Variants in SNX24 observed in about 807,000 individuals in gnomAD.
SNX24 encodes sorting nexin-24.
A neutral mutation model predicts 28.7 loss-of-function variants in SNX24; 22 were observed. The ratio of observed to expected loss-of-function variants is 0.77; its 90% CI spans 0.55 to 1.10. SNX24 has a LOEUF of 1.10. Among genes scored for constraint, SNX24 ranks in the 50% least tolerant of loss-of-function variants. The pLI, the probability that SNX24 is intolerant of heterozygous loss-of-function variation, is 0.00. For synonymous variants in SNX24, 69 were observed against 71.5 expected, an observed-to-expected ratio of 0.96 and a Z score of 0.18; for missense variants, 221 against 201.1, an observed-to-expected ratio of 1.10 and a Z score of -0.60.
At chr5:123,028,946 A>G in intron 5 of SNX24, 1 of 1,237,050 alleles carries the variant, frequency 8.1e-7, no homozygotes, top group Non-Finnish European at 1.1e-6. Flanking sequence ...TCTAGAAAGG[A>G]CAAACTGAGA....
At chr5:123,014,850 T>C (rs1040387776) in intron 5 of SNX24, among the ~76,000 whole-genome samples, 2 of 152,226 alleles carry the variant, frequency 1.3e-5, no homozygotes, top group Admixed American at 6.5e-5. Context: ...CATGCCAACC[T>C]TGGTCTCTCC....
intron 3 of SNX24, among the ~76,000 whole-genome samples, chr5:122,973,417 C>A (rs1018298216): frequency 1.3e-5 from 2 of 152,230 alleles, no homozygotes; most frequent in Admixed American, 1.3e-4. Context: ...CAGCTGTCCA[C>A]TTTCAGGTGG....
intron 1 of SNX24, among the ~76,000 whole-genome samples, chr5:122,932,858 C>CAAAAAAAAAAAAAAAAAAAAAA (rs57930558): frequency 3.4e-5 from 3 of 88,016 alleles, no homozygotes; most frequent in Admixed American, 1.2e-4. Context: ...GACTCTGTCT[C>CAAAAAAAAAAAAAAAAAAAAAA]AAAAAAAAAA....
intron 1 of SNX24, among the ~76,000 whole-genome samples, chr5:122,866,620 C>T (rs939971098): frequency 1.3e-5 from 2 of 152,100 alleles, no homozygotes; most frequent in African/African-American, 2.4e-5. Flanking sequence ...TTTTCATTGA[C>T]TTTAATTACA....
At chr5:122,936,100 C>A (rs1393575409) in intron 1 of SNX24, among the ~76,000 whole-genome samples, 1 of 152,158 alleles carries the variant, frequency 6.6e-6, no homozygotes, top group Non-Finnish European at 1.5e-5. Context: ...AATTAGTGCA[C>A]CCAGAGAACC....
intron 2 of SNX24, among the ~76,000 whole-genome samples, chr5:122,941,916 A>G (rs960690644): frequency 6.6e-6 from 1 of 152,106 alleles, no homozygotes; most frequent in Non-Finnish European, 1.5e-5. Context: ...ACAAAACCCC[A>G]TGCTAGCCTT....
At chr5:122,876,006 G>T (rs1756205325) in intron 1 of SNX24, among the ~76,000 whole-genome samples, 1 of 152,206 alleles carries the variant, frequency 6.6e-6, no homozygotes, top group Admixed American at 6.5e-5. Context: ...CACCACGTCT[G>T]GCTAATTTTT....
At chr5:123,015,184 G>A (rs939876173) in intron 5 of SNX24, among the ~76,000 whole-genome samples, 2 of 152,240 alleles carry the variant, frequency 1.3e-5, no homozygotes, top group Admixed American at 1.3e-4. Flanking sequence ...GAGGCCCAGA[G>A]TCAATGTGAA....
intron 1 of SNX24, among the ~76,000 whole-genome samples, chr5:122,889,396 A>C (rs1261841611): frequency 6.6e-6 from 1 of 151,926 alleles, no homozygotes. Context: ...CTGAAATCTG[A>C]AGTGCTCCAA....
At chr5:122,948,762 T>C (rs910158439) in intron 3 of SNX24, 1 of 152,198 alleles carries the variant, frequency 6.6e-6, no homozygotes, top group Non-Finnish European at 1.5e-5. Flanking sequence ...TGCAATATAT[T>C]AGTTAAAGAG....
At chr5:122,883,495 G>A (rs991450654) in intron 1 of SNX24, among the ~76,000 whole-genome samples, 4 of 151,652 alleles carry the variant, frequency 2.6e-5, no homozygotes, top group African/African-American at 4.8e-5. Context: ...AACTTCTTTC[G>A]TTGGTTGCTT....
chr5:122,870,013 G>A (rs1755902379), intron 1 of SNX24, among the ~76,000 whole-genome samples: 1 of 151,968 alleles, frequency 6.6e-6, no homozygotes, highest in African/African-American at 2.4e-5. Context: ...TAACTTTTAG[G>A]GAAACTTTAA....
At chr5:122,998,416 G>C (rs1762125223) in intron 3 of SNX24, 1 of 152,194 alleles carries the variant, frequency 6.6e-6, no homozygotes, top group South Asian at 2.1e-4. Flanking sequence ...CACTGGACCT[G>C]TAAGATTTAT....
At chr5:122,924,090 C>T (rs551708606) in intron 1 of SNX24, among the ~76,000 whole-genome samples, 52 of 152,218 alleles carry the variant, frequency 3.4e-4, no homozygotes, top group African/African-American at 1.2e-3. Flanking sequence ...CCCCCTTATC[C>T]TCAGGTGTTA....
intron 3 of SNX24, among the ~76,000 whole-genome samples, chr5:122,987,528 T>A (rs1022837363): frequency 6.6e-6 from 1 of 152,224 alleles, no homozygotes; most frequent in African/African-American, 2.4e-5. Context: ...TCTCAGTGTT[T>A]AGCAGCTTGG....
At chr5:122,928,320 A>G (rs1485753392) in intron 1 of SNX24, among the ~76,000 whole-genome samples, 1 of 152,164 alleles carries the variant, frequency 6.6e-6, no homozygotes, top group Non-Finnish European at 1.5e-5. Flanking sequence ...ATCTTCAACA[A>G]TGTCCACACC....
chr5:122,984,930 GAA>G (rs3836758), intron 3 of SNX24, among the ~76,000 whole-genome samples: 9 of 151,846 alleles, frequency 5.9e-5, no homozygotes, highest in African/African-American at 1.9e-4. Context: ...AAACGAAAAA[GAA>G]AAAAAGGTAT....
intron 5 of SNX24, chr5:123,028,661 T>G (rs1762897737): frequency 1.3e-6 from 1 of 771,312 alleles, no homozygotes; most frequent in Non-Finnish European, 2.1e-6. Context: ...AGAGGTACAG[T>G]CGTCTTTACA....
intron 1 of SNX24, among the ~76,000 whole-genome samples, chr5:122,878,709 C>T (rs915761039): frequency 1.3e-5 from 2 of 152,102 alleles, no homozygotes; most frequent in Non-Finnish European, 1.5e-5. Flanking sequence ...TGGTGGCTTA[C>T]GCCTGTAATC....
Sources: gnomAD v4.1 joint callset for allele counts (sites outside exome capture counted in the v4.1 genomes callset) on GRCh38, gnomAD v4.1.1 for gene constraint, MANE v1.5 for transcripts, NCBI Gene and HGNC (gene_info 2026-07-23, HGNC 2026-07-21) for gene names.